The following FER variants were observed in gnomAD, a reference collection of about 807,000 sequenced individuals.
FER encodes the protein tyrosine-protein kinase Fer.
In FER, 63 loss-of-function variants were observed where a neutral mutation model predicts 111.0. That is an observed-to-expected ratio of 0.57 (90% confidence interval 0.46 to 0.70). The LOEUF is 0.70. Ranked by LOEUF, FER falls within the 30% of genes least tolerant of loss-of-function variation. FER has a pLI of 0.00. For missense variants in FER, 914 were observed against 954.0 expected, an observed-to-expected ratio of 0.96 and a Z score of 0.55; for synonymous variants, 327 against 313.9, an observed-to-expected ratio of 1.04 and a Z score of -0.44.
chr5:108,997,260 C>CA (rs1367990350), intron 13 of FER, among the ~76,000 whole-genome samples: 2 of 130,256 alleles, frequency 1.5e-5, no homozygotes, highest in Admixed American at 1.5e-4. Context: ...AAAAAAAATA[C>CA]AAAAAAAATT....
At chr5:108,785,786 T>C (rs1451942904) in intron 2 of FER, among the ~76,000 whole-genome samples, 1 of 152,192 alleles carries the variant, frequency 6.6e-6, no homozygotes, top group Non-Finnish European at 1.5e-5. Flanking sequence ...GCCCCTAGGC[T>C]GTGGCTGGGA....
intron 17 of FER, 73 bp downstream of exon 17, chr5:109,100,592 A>G (rs1748104599): frequency 2.8e-6 from 4 of 1,406,168 alleles, no homozygotes; most frequent in Admixed American, 2.2e-5. Flanking sequence ...ATTTGCTACA[A>G]TAGAAGTCAT....
intron 17 of FER, among the ~76,000 whole-genome samples, chr5:109,118,851 A>G (rs1165391589): frequency 1.3e-5 from 2 of 151,574 alleles, no homozygotes; most frequent in East Asian, 1.9e-4. Flanking sequence ...CAGTGGTGAT[A>G]TCCCCTTTAT....
rs919504152 is a variant in FER at position 108,860,252 on chromosome 5, TG to T, written c.482-7514del. Among the ~76,000 whole-genome samples, 137 of 151,726 alleles carry T rather than the reference TG, an allele frequency of 9.0e-4. 2 individuals carry two copies. Among genetic ancestry groups the T allele is most frequent in the African/African-American group, 3.1e-3 (126 of 41,234 alleles). On this transcript the variant is annotated intron_variant, in intron 5 of 19. Coordinates refer to ENST00000281092, the MANE Select transcript of FER (RefSeq NM_005246.4). ...CACTGTGCCTGGCCATACCTATTTT[TG>T]TTTTTAATGCTTTATAGGAGCATAT...
At chr5:109,099,486 A>G (rs1035635787) in intron 16 of FER, among the ~76,000 whole-genome samples, 3 of 151,602 alleles carry the variant, frequency 2.0e-5, no homozygotes, top group African/African-American at 7.2e-5. Flanking sequence ...CTAAATATAG[A>G]TCAGATATTT....
intron 13 of FER, among the ~76,000 whole-genome samples, chr5:109,032,096 C>T (rs72790560): frequency 0.015 from 2,224 of 152,248 alleles, 32 homozygotes; most frequent in Middle Eastern, 0.068. Flanking sequence ...ACTTACACCC[C>T]TTCTCTACCA....
intron 5 of FER, among the ~76,000 whole-genome samples, chr5:108,844,562 C>A (rs1312917768): frequency 6.6e-6 from 1 of 152,078 alleles, no homozygotes; most frequent in African/African-American, 2.4e-5. Context: ...ATGTACACAC[C>A]TGTGAAATTA....
At chr5:108,793,100 G>A (rs1323987583) in intron 2 of FER, among the ~76,000 whole-genome samples, 1 of 152,064 alleles carries the variant, frequency 6.6e-6, no homozygotes, top group Admixed American at 6.6e-5. Flanking sequence ...GTGCTATCAG[G>A]TACTAGGTCT....
At chr5:109,174,625 A>T (rs1757489337) in intron 17 of FER, among the ~76,000 whole-genome samples, 1 of 152,092 alleles carries the variant, frequency 6.6e-6, no homozygotes, top group Admixed American at 6.5e-5. Flanking sequence ...GCCGTTGGTG[A>T]CATTTGGCTG....
intron 13 of FER, among the ~76,000 whole-genome samples, chr5:109,034,284 T>C (rs76244508): frequency 0.01 from 1,545 of 152,304 alleles, 21 homozygotes; most frequent in African/African-American, 0.035. Context: ...AACTTTGATA[T>C]GACAGGCAGT....
At chr5:108,797,260 C>T (rs538934478) in intron 2 of FER, among the ~76,000 whole-genome samples, 1 of 152,192 alleles carries the variant, frequency 6.6e-6, no homozygotes, top group East Asian at 1.9e-4. Context: ...ACAACATTCT[C>T]TTTACTGTTT....
chr5:109,157,517 T>C (rs182444758), intron 17 of FER, among the ~76,000 whole-genome samples: 1,315 of 120,864 alleles, frequency 0.011, 9 homozygotes, highest in Non-Finnish European at 0.016. Flanking sequence ...ATGAGTTCTG[T>C]TTTTTTTTTC....
At chr5:109,071,351 C>A (rs1391771075) in intron 16 of FER, among the ~76,000 whole-genome samples, 1 of 151,948 alleles carries the variant, frequency 6.6e-6, no homozygotes, top group Non-Finnish European at 1.5e-5. Context: ...ATTAGACTGA[C>A]CTTATGGATT....
intron 17 of FER, among the ~76,000 whole-genome samples, chr5:109,123,423 G>C (rs765160010): frequency 4.7e-4 from 72 of 151,944 alleles, no homozygotes; most frequent in Non-Finnish European, 7.9e-4. Context: ...CCAAAGTGCT[G>C]GGATTACAGG....
chr5:108,820,206 C>T, intron 3 of FER: 6 of 985,350 alleles, frequency 6.1e-6, no homozygotes, highest in Non-Finnish European at 7.2e-6. Context: ...GGAATCTTCT[C>T]TGGACGTGAG....
rs1028125791 is a variant in FER at position 108,800,873 on chromosome 5, C to T, written c.207+2484C>T. Among the ~76,000 whole-genome samples, 154 of 151,934 alleles carry T rather than the reference C, an allele frequency of 1.0e-3. 1 individual carries two copies. Among genetic ancestry groups the T allele is most frequent in the Non-Finnish European group, 1.0e-4 (7 of 67,950 alleles). ...CATCCTGGCTAACACGGTGAAACCT[C>T]GTCTCTACCAAAAATACAAAAAAAT... is the stretch of plus-strand genomic sequence containing the variant. On this transcript the variant is annotated intron_variant, in intron 3 of 19. Coordinates refer to ENST00000281092, the MANE Select transcript of FER (RefSeq NM_005246.4).
intron 3 of FER, among the ~76,000 whole-genome samples, chr5:108,821,801 A>G (rs1026785779): frequency 1.3e-5 from 2 of 152,112 alleles, no homozygotes; most frequent in Admixed American, 6.5e-5. Context: ...GATTACCACA[A>G]TCAAGTTAAT....
At chr5:109,062,632 A>G (rs932825011) in intron 16 of FER, among the ~76,000 whole-genome samples, 23 of 152,154 alleles carry the variant, frequency 1.5e-4, no homozygotes, top group African/African-American at 3.6e-4. Flanking sequence ...TAAGACTGCA[A>G]TGAAAGATGC....
intron 13 of FER, among the ~76,000 whole-genome samples, chr5:108,999,367 A>G (rs1456456718): frequency 1.3e-5 from 2 of 152,118 alleles, no homozygotes; most frequent in African/African-American, 2.4e-5. Context: ...GCTCTGGTTC[A>G]TTTGTTTCAA....
Sources: gnomAD v4.1 joint callset for allele counts (sites outside exome capture counted in the v4.1 genomes callset) on GRCh38, gnomAD v4.1.1 for gene constraint, MANE v1.5 for transcripts, NCBI Gene and HGNC (gene_info 2026-07-23, HGNC 2026-07-21) for gene names.